Variants in USP47 observed in about 807,000 individuals in gnomAD.
The protein encoded by USP47 is ubiquitin carboxyl-terminal hydrolase 47.
In USP47, 35 loss-of-function variants were observed where a neutral mutation model predicts 165.1. The observed-to-expected ratio is 0.21, with a 90% CI of 0.16 to 0.28. The LOEUF (loss-of-function observed/expected upper bound fraction) is 0.28, where lower values mean the gene tolerates loss of function less well. Among genes scored for constraint, USP47 ranks in the 10% least tolerant of loss-of-function variants. The probability of loss-of-function intolerance (pLI) is 1.00; values close to 1 mark genes in which losing one functional copy is unlikely to be tolerated. For missense variants in USP47, 1,277 were observed against 1,607.4 expected (o/e 0.79, Z 3.52); for synonymous variants, 531 against 544.5 (o/e 0.98, Z 0.35).
chr11:11,863,836 G>A (rs967899588), intron 1 of USP47, among the ~76,000 whole-genome samples: 5 of 151,918 alleles, frequency 3.3e-5, no homozygotes, highest in African/African-American at 9.7e-5. Context: ...TCCTCTTAAC[G>A]TACATACACC....
intron 2 of USP47, among the ~76,000 whole-genome samples, chr11:11,881,849 A>G (rs1217405160): frequency 6.6e-6 from 1 of 152,120 alleles, no homozygotes; most frequent in Non-Finnish European, 1.5e-5. Flanking sequence ...ATCAGCTCCT[A>G]AGGCCCCAAC....
At chr11:11,865,423 C>T (rs946555824) in intron 1 of USP47, among the ~76,000 whole-genome samples, 5 of 152,074 alleles carry the variant, frequency 3.3e-5, no homozygotes, top group Non-Finnish European at 7.4e-5. Context: ...TTGTCATCTT[C>T]ATTCTGCTGT....
chr11:11,910,551 C>T (rs149400752), intron 8 of USP47, among the ~76,000 whole-genome samples: 4 of 152,082 alleles, frequency 2.6e-5, no homozygotes, highest in Admixed American at 6.5e-5. Context: ...GGTAAAGAGG[C>T]GAGCCCCTCC....
At chr11:11,850,433 T>C (rs1395550946) in intron 1 of USP47, among the ~76,000 whole-genome samples, 1 of 151,492 alleles carries the variant, frequency 6.6e-6, no homozygotes, top group Non-Finnish European at 1.5e-5. Flanking sequence ...CCTATATTTG[T>C]TTTATGGATG....
chr11:11,944,823 A>G (rs1363711276), intron 20 of USP47, among the ~76,000 whole-genome samples: 1 of 152,206 alleles, frequency 6.6e-6, no homozygotes, highest in Non-Finnish European at 1.5e-5. Flanking sequence ...GTTCCTCTTT[A>G]GTAGAAGGTT....
chr11:11,956,067 C>A lies in USP47; in HGVS notation c.3960C>A (p.Ser1320Arg), dbSNP rs1250838306. The A allele has an allele frequency of 6.2e-7, 1 of 1,603,004 alleles. No homozygotes were observed. Among genetic ancestry groups the A allele is most frequent in the Admixed American group, 1.7e-5 (1 of 57,246 alleles). Residue 1320 changes from serine (S) to arginine (R), a missense_variant, in exon 28 of 28, where the codon AGC (serine) becomes AGA (arginine). Ser to Arg is a moderately radical substitution (Grantham distance 110). Around this residue, in one of 4 missense-constraint regions of USP47, gnomAD observed 909 missense variants for 1,068.1 expected, o/e 0.85. Transcript: ENST00000527733. ...EQRNELMKKESSRLQKTGHRV... is the reference protein window; with the variant it reads ...EQRNELMKKERSRLQKTGHRV... ...GAAATGAACTGATGAAAAAAGAAAG[C>A]AGTCGACTCCAGAAGACTGGACATC...
intron 11 of USP47, among the ~76,000 whole-genome samples, chr11:11,926,989 C>A (rs753839108): frequency 1.0e-5 from 1 of 98,550 alleles, no homozygotes; most frequent in African/African-American, 2.8e-5. Flanking sequence ...AAACAACTTA[C>A]ACATATTTGT....
intron 1 of USP47, among the ~76,000 whole-genome samples, chr11:11,860,969 T>G (rs1355056040): frequency 6.6e-6 from 1 of 152,222 alleles, no homozygotes; most frequent in Non-Finnish European, 1.5e-5. Context: ...CCTCTGTTAT[T>G]TAGAAGACCT....
chr11:11,922,647 G>A, intron 10 of USP47, 77 bp from the exon 11 acceptor site: 4 of 1,165,614 alleles, frequency 3.4e-6, no homozygotes, highest in Non-Finnish European at 4.7e-6. Context: ...AATATTAGCA[G>A]TATATAGGTA....
rs548096084 is a variant in USP47 at position 11,849,041 on chromosome 11, A to G, written c.39+6817A>G. ...CATTTTAACCCTGCCCAGTACTCCC[A>G]ATATTGTCATACTGCAAGTCGTTTG... is the stretch of plus-strand genomic sequence containing the variant. On this transcript the variant is annotated intron_variant, in intron 1 of 27. Transcript: ENST00000527733. 2.7e-4 allele frequency among the ~76,000 whole-genome samples: 41 copies of G among 152,240 alleles called. 1 individual carries two copies. The South Asian group carries it at 8.5e-3, about 32-fold the overall frequency.
intron 1 of USP47, among the ~76,000 whole-genome samples, chr11:11,849,034 T>G (rs778615348): frequency 6.6e-6 from 1 of 152,200 alleles, no homozygotes; most frequent in Non-Finnish European, 1.5e-5. Context: ...CCCTGCCCAG[T>G]ACTCCCAATA....
intron 4 of USP47, among the ~76,000 whole-genome samples, chr11:11,892,957 C>G (rs1851636730): frequency 6.6e-6 from 1 of 151,932 alleles, no homozygotes; most frequent in Non-Finnish European, 1.5e-5. Context: ...TACAGTACTT[C>G]CATTTTGAAG....
chr11:11,876,755 T>C (rs936418852), intron 1 of USP47, among the ~76,000 whole-genome samples: 2 of 152,336 alleles, frequency 1.3e-5, no homozygotes, highest in African/African-American at 4.8e-5. Flanking sequence ...CTGGATTTCT[T>C]ACATGGTGGC....
chr11:11,852,885 T>C (rs1848807535), intron 1 of USP47, among the ~76,000 whole-genome samples: 1 of 152,248 alleles, frequency 6.6e-6, no homozygotes, highest in African/African-American at 2.4e-5. Context: ...TGTGCTGTTA[T>C]ATGTTCATGT....
chr11:11,852,485 A>G (rs1224163583), intron 1 of USP47, among the ~76,000 whole-genome samples: 1 of 152,002 alleles, frequency 6.6e-6, no homozygotes, highest in Non-Finnish European at 1.5e-5. Flanking sequence ...TTACTTTCCA[A>G]CACCACATAA....
chr11:11,864,168 A>C (rs938291068), intron 1 of USP47, among the ~76,000 whole-genome samples: 3 of 151,964 alleles, frequency 2.0e-5, no homozygotes, highest in African/African-American at 7.2e-5. Context: ...ATAAACAGTT[A>C]AAAAAATTTT....
At chr11:11,880,100 TA>T in intron 1 of USP47, 76 bp from the exon 2 acceptor site, 1 of 1,033,252 alleles carries the variant, frequency 9.7e-7, no homozygotes, top group Non-Finnish European at 1.3e-6. Context: ...CATTTAATCA[TA>T]AAATTTTATA....
At position 11,933,083 on chromosome 11, in the gene USP47, G is replaced by A. The variant is rs768543841; in HGVS notation, c.1731G>A (p.Lys577=). 1 of 1,613,232 alleles carries A rather than the reference G, an allele frequency of 6.2e-7. No individual in the cohort carries two copies. The highest frequency in any genetic ancestry group is 1.7e-5 in the Admixed American group (1 of 59,890). Residue 577 remains lysine (K), a synonymous_variant, in exon 15 of 28, where the codon AAG becomes AAA. Coordinates refer to ENST00000527733, the MANE Select transcript of USP47 (RefSeq NM_001282659.2). The part of the protein sequence containing the change: ...QKERELEEQE[K]RQREIERNTC... ...AGAGAGAGTTGGAAGAACAAGAAAA[G>A]AGACAACGAGAAATTGAGCGCAATA...
intron 4 of USP47, among the ~76,000 whole-genome samples, chr11:11,894,176 G>C (rs1470087081): frequency 6.6e-6 from 1 of 152,108 alleles, no homozygotes; most frequent in East Asian, 1.9e-4. Context: ...GCAGGTTCCA[G>C]CCGGGCACAG....
Sources: allele counts gnomAD v4.1 joint callset (sites outside exome capture counted in the v4.1 genomes callset), GRCh38; gene constraint gnomAD v4.1.1; regional missense constraint gnomAD v4.1.1; transcripts MANE v1.5; gene names NCBI Gene and HGNC (gene_info 2026-07-23, HGNC 2026-07-21).